DNAL1: variants seen among roughly 807,000 people sequenced by gnomAD.
The protein encoded by DNAL1 is dynein axonemal light chain 1.
Under a neutral mutation model 29.4 loss-of-function variants are expected in DNAL1, and 17 were observed. The observed-to-expected ratio is 0.58, with a 90% confidence interval of 0.40 to 0.87. The LOEUF (loss-of-function observed/expected upper bound fraction) is 0.87, where lower values mean the gene tolerates loss of function less well. DNAL1 is among the 40% of genes least tolerant of loss of function. The pLI, the probability that DNAL1 is intolerant of heterozygous loss-of-function variation, is 0.00. For synonymous variants in DNAL1, 78 were observed against 76.3 expected (o/e 1.02, Z -0.12); for missense variants, 188 against 214.1 (o/e 0.88, Z 0.76).
chr14:73,680,979 A>G (rs545776532), intron 5 of DNAL1, among the ~76,000 whole-genome samples: 3 of 152,310 alleles, frequency 2.0e-5, no homozygotes, highest in African/African-American at 7.2e-5. Context: ...AGGTGTATAG[A>G]GCATTTATCA....
At chr14:73,645,297 A>C (rs1229144514) in intron 1 of DNAL1, among the ~76,000 whole-genome samples, 2 of 152,204 alleles carry the variant, frequency 1.3e-5, no homozygotes, top group Non-Finnish European at 2.9e-5. Flanking sequence ...GGGAGGGCGA[A>C]GAGCAGGAAA....
rs1411787543 is a variant in DNAL1, at chr14:73,698,634, G to C, written c.*2692G>C. 6.6e-6 allele frequency: 1 copy of C among 151,918 alleles called. No individual in the cohort carries two copies. The highest frequency in any genetic ancestry group is 2.4e-5 in the African/African-American group (1 of 41,314). 9.4% of individuals were successfully genotyped at this position (151,918 alleles called of 1,614,324 possible). On this transcript the variant is annotated 3_prime_UTR_variant, in exon 8 of 8. Coordinates refer to ENST00000553645, the MANE Select transcript of DNAL1 (RefSeq NM_031427.4). ...TATTTTTGTATTTTTAGTAGAGATG[G>C]GGTTTCACCATGTTGGCCAGGCTTG...
intron 7 of DNAL1, among the ~76,000 whole-genome samples, chr14:73,691,849 C>CA (rs1471440949): frequency 1.3e-5 from 1 of 78,696 alleles, no homozygotes; most frequent in East Asian, 4.2e-4. Context: ...GTGCGCCACC[C>CA]CCCCCCCCCA....
At chr14:73,668,150 GT>G (rs1295662824) in intron 4 of DNAL1, among the ~76,000 whole-genome samples, 1 of 152,086 alleles carries the variant, frequency 6.6e-6, no homozygotes, top group Non-Finnish European at 1.5e-5. Context: ...AAAATCAACT[GT>G]TCCCAACCTC....
At position 73,702,490 on chromosome 14, in the gene DNAL1, C is replaced by G. The variant is rs1377990683; in HGVS notation, c.*6548C>G. On this transcript the variant is annotated 3_prime_UTR_variant, in exon 8 of 8. Transcript: ENST00000553645. ...TTTTTTTCTTAGTAGGTTTTTTTCT[C>G]CCAGGCTTGTAACTCTTCCCCAGTT... is the stretch of plus-strand genomic sequence containing the variant. 1 of 151,854 alleles carries G rather than the reference C, an allele frequency of 6.6e-6. No homozygotes were observed. Among genetic ancestry groups the G allele is most frequent in the Non-Finnish European group, 1.5e-5 (1 of 67,980 alleles). The allele number at this position is 151,854 out of a possible 1,614,324, so 9.4% of individuals were successfully genotyped here. A position where few individuals can be genotyped will look rare whatever the true frequency, so the allele number is the denominator to read the frequency against.
chr14:73,664,331 AAC>A (rs1891425671), intron 4 of DNAL1, among the ~76,000 whole-genome samples: 1 of 152,184 alleles, frequency 6.6e-6, no homozygotes, highest in Non-Finnish European at 1.5e-5. Context: ...CATCACTGAT[AAC>A]AGAGTTTTCT....
At position 73,703,340 on chromosome 14, in the gene DNAL1, G is replaced by C. The variant is rs1892481844; in HGVS notation, c.*7398G>C. The C allele has an allele frequency of 6.6e-6, 1 of 152,180 alleles. No individual in the cohort carries two copies. 9.4% of individuals were successfully genotyped at this position (152,180 alleles called of 1,614,324 possible). On this transcript the variant is annotated 3_prime_UTR_variant, in exon 8 of 8. Coordinates refer to ENST00000553645, the MANE Select transcript of DNAL1 (RefSeq NM_031427.4). ...AAAGTCAGAATCTTAGGTGATAACT[G>C]TCAGACCTCTGAGCCCAAGCTAAGC...
chr14:73,650,308 T>C (rs1891085143), intron 1 of DNAL1, among the ~76,000 whole-genome samples: 1 of 152,176 alleles, frequency 6.6e-6, no homozygotes, highest in African/African-American at 2.4e-5. Flanking sequence ...ACAATTTGTA[T>C]TATTTTTTAT....
chr14:73,683,128 G>T (rs139936350), intron 5 of DNAL1, among the ~76,000 whole-genome samples: 1 of 151,892 alleles, frequency 6.6e-6, no homozygotes, highest in Admixed American at 6.6e-5. Flanking sequence ...CGCCTGCCTC[G>T]GCCTCCCAAA....
rs975829777 is a variant in DNAL1 at position 73,701,268 on chromosome 14, C to G, written c.*5326C>G. On this transcript the variant is annotated 3_prime_UTR_variant, in exon 8 of 8. Transcript: ENST00000553645. The stretch of plus-strand genomic sequence containing the variant: ...TAGATTTGCACTTTAAACTTAGGAA[C>G]TGGATGTTGGTGGAAAGGACTTCCA... 6.6e-5 allele frequency: 10 copies of G among 152,164 alleles called. No homozygotes were observed. Among genetic ancestry groups the G allele is most frequent in the African/African-American group, 2.2e-4 (9 of 41,438 alleles). The allele number at this position is 152,164 out of a possible 1,614,324, so 9.4% of individuals were successfully genotyped here. A position where few individuals can be genotyped will look rare whatever the true frequency, so the allele number is the denominator to read the frequency against.
intron 3 of DNAL1, among the ~76,000 whole-genome samples, chr14:73,661,345 A>G (rs1162226817): frequency 1.3e-5 from 2 of 152,190 alleles, no homozygotes; most frequent in Admixed American, 6.6e-5. Context: ...TTCCAGTAAT[A>G]CATATAATCT....
At chr14:73,690,296 G>T (rs1359304364) in intron 7 of DNAL1, among the ~76,000 whole-genome samples, 1 of 152,052 alleles carries the variant, frequency 6.6e-6, no homozygotes, top group Non-Finnish European at 1.5e-5. Flanking sequence ...GTTTGGTGCT[G>T]AGCCTCCTCC....
At chr14:73,645,736 T>G (rs187347420) in intron 1 of DNAL1, among the ~76,000 whole-genome samples, 84 of 152,340 alleles carry the variant, frequency 5.5e-4, no homozygotes, top group African/African-American at 1.9e-3. Context: ...AGGTTTGAAA[T>G]CTACCAGCTG....
intron 5 of DNAL1, among the ~76,000 whole-genome samples, chr14:73,684,337 A>G (rs1436507255): frequency 6.6e-6 from 1 of 152,120 alleles, no homozygotes; most frequent in African/African-American, 2.4e-5. Flanking sequence ...GCTGAATCAT[A>G]TGGTAGTTCT....
intron 1 of DNAL1, among the ~76,000 whole-genome samples, chr14:73,649,229 C>T (rs1260446023): frequency 1.3e-5 from 2 of 151,836 alleles, no homozygotes; most frequent in Non-Finnish European, 2.9e-5. Flanking sequence ...CCAGCTCAGC[C>T]TCCCAAAGTG....
chr14:73,669,535 A>C (rs1023595767), intron 4 of DNAL1, among the ~76,000 whole-genome samples: 40 of 152,172 alleles, frequency 2.6e-4, no homozygotes, highest in Non-Finnish European at 5.3e-4. Context: ...TCGGCCTCCC[A>C]AAGTGCTGGG....
intron 3 of DNAL1, among the ~76,000 whole-genome samples, 155 bp from the exon 4 acceptor site, chr14:73,661,832 A>T (rs1019220872): frequency 6.6e-6 from 1 of 152,234 alleles, no homozygotes; most frequent in African/African-American, 2.4e-5. Flanking sequence ...GTAATCAGAG[A>T]AAAACAATGA....
At chr14:73,679,237 G>A (rs2018718) in intron 5 of DNAL1, among the ~76,000 whole-genome samples, 7 of 151,954 alleles carry the variant, frequency 4.6e-5, no homozygotes, top group African/African-American at 9.7e-5. Flanking sequence ...CTTGTGATCC[G>A]CCTGCCTCAC....
chr14:73,676,097 G>T lies in DNAL1; in HGVS notation c.264+4500G>T, dbSNP rs184841025. On this transcript the variant is annotated intron_variant, in intron 5 of 7. Coordinates refer to ENST00000553645, the MANE Select transcript of DNAL1 (RefSeq NM_031427.4). ...AAAATTTTAATTCTAGGCCAGGCGTGGTGGCACGTACCTGTAATCCCAGCT... is the reference window on the plus strand; with the variant it reads ...AAAATTTTAATTCTAGGCCAGGCGTTGTGGCACGTACCTGTAATCCCAGCT... 4.0e-3 allele frequency among the ~76,000 whole-genome samples: 613 copies of T among 151,508 alleles called. 3 individuals are homozygous for T. The highest frequency in any genetic ancestry group is 0.014 in the African/African-American group (591 of 41,302).
Sources: gnomAD v4.1 joint callset for allele counts (sites outside exome capture counted in the v4.1 genomes callset) on GRCh38, gnomAD v4.1.1 for gene constraint, MANE v1.5 for transcripts, NCBI Gene and HGNC (gene_info 2026-07-23, HGNC 2026-07-21) for gene names.